Variants in NF1 observed in about 807,000 individuals in gnomAD.
The protein encoded by NF1 is neurofibromin 1.
A neutral mutation model predicts 325.7 loss-of-function variants in NF1; 122 were observed. That is an observed-to-expected ratio of 0.37 (90% CI 0.32 to 0.44). The LOEUF is 0.44. NF1 is among the 20% of genes least tolerant of loss of function. The pLI, the probability that NF1 is intolerant of heterozygous loss-of-function variation, is 1.00. For synonymous variants in NF1, 1,091 were observed against 1,186.0 expected, an observed-to-expected ratio of 0.92 and a Z score of 1.65; for missense variants, 2,140 against 3,415.4, an observed-to-expected ratio of 0.63 and a Z score of 9.31.
chr17:31,127,922 TA>T (rs1316380749), intron 1 of NF1, among the ~76,000 whole-genome samples: 20 of 152,230 alleles, frequency 1.3e-4, no homozygotes, highest in East Asian at 1.2e-3. Flanking sequence ...TTTTAATTAA[TA>T]TTTTTTTTGT....
chr17:31,331,615 A>G (rs375481830), intron 39 of NF1: 1 of 152,206 alleles, frequency 6.6e-6, no homozygotes, highest in South Asian at 2.1e-4. Flanking sequence ...AAGCATCACA[A>G]ACTGATGAGG....
chr17:31,265,447 A>C, intron 36 of NF1, 108 bp downstream of exon 36: 1 of 798,556 alleles, frequency 1.3e-6, no homozygotes, highest in Non-Finnish European at 2.1e-6. Flanking sequence ...GGAATTGAAG[A>C]CAAGTTTACT....
intron 35 of NF1, among the ~76,000 whole-genome samples, chr17:31,263,067 G>GTAGA (rs1350602193): frequency 7.2e-6 from 1 of 138,648 alleles, no homozygotes; most frequent in African/African-American, 2.9e-5. Context: ...AGGTAGGTAG[G>GTAGA]TAGATAGATA....
chr17:31,262,796 G>A (rs549965601), intron 35 of NF1, among the ~76,000 whole-genome samples: 27 of 152,120 alleles, frequency 1.8e-4, no homozygotes, highest in South Asian at 8.3e-4. Context: ...TTTTTTTAGT[G>A]TAACAAATGT....
chr17:31,272,312 A>G (rs1046944901), intron 36 of NF1: 12 of 152,368 alleles, frequency 7.9e-5, no homozygotes, highest in African/African-American at 2.6e-4. Context: ...TGGATTGAGT[A>G]TGGTGCTACC....
chr17:31,326,361 A>T, intron 37 of NF1, 109 bp downstream of exon 37: 1 of 1,115,328 alleles, frequency 9.0e-7, no homozygotes. Context: ...ATAAAATGTC[A>T]CGTAAGGCTG....
rs755890242 is a variant in NF1, at chr17:31,163,363, C to G, written c.466C>G (p.Arg156Gly). The G allele has an allele frequency of 6.2e-7, 1 of 1,613,962 alleles. No individual in the cohort carries two copies. Among genetic ancestry groups the G allele is most frequent in the Non-Finnish European group, 8.5e-7 (1 of 1,179,934 alleles). The change falls in exon 4 of 58, where the codon CGC becomes GGC. Residue 156 changes from arginine (R) to glycine (G), a missense_variant. Physicochemically the swap from Arg to Gly is moderately radical, Grantham distance 125 (BLOSUM62 -2). Coordinates refer to ENST00000358273, the MANE Select transcript of NF1 (RefSeq NM_001042492.3). ...CAACAACTTCAATGCAGTCTTTAGT[C>G]GCATTTCTACCAGGTTAGTGTGTAA... ...SCNNFNAVFS[R>G]ISTRLQELTV... is the part of the protein sequence containing the mutation.
intron 8 of NF1, among the ~76,000 whole-genome samples, chr17:31,198,969 G>C (rs187426941): frequency 1.3e-5 from 2 of 152,084 alleles, no homozygotes; most frequent in East Asian, 1.9e-4. Context: ...CTTTCTCTCT[G>C]TCTCTCTTTT....
chr17:31,310,468 C>T (rs762854751), intron 36 of NF1, among the ~76,000 whole-genome samples: 11 of 152,022 alleles, frequency 7.2e-5, no homozygotes, highest in East Asian at 5.8e-4. Context: ...AAAGAAGCAA[C>T]GGCAAAATGC....
chr17:31,228,928 A>T, intron 20 of NF1, 97 bp from the exon 21 acceptor site: 5 of 939,808 alleles, frequency 5.3e-6, no homozygotes, highest in East Asian at 2.5e-5. Context: ...CATTTTTTGT[A>T]CTTTTGTCAT....
At position 31,159,036 on chromosome 17, in the gene NF1, A is replaced by G. The variant is rs373563053; in HGVS notation, c.231A>G (p.Lys77=). 1.2e-6 allele frequency: 2 copies of G among 1,608,306 alleles called. No homozygotes were observed. Among genetic ancestry groups the G allele is most frequent in the South Asian group, 2.2e-5 (2 of 90,962 alleles). Reference sequence around the variant, plus strand: ...GAATATTTGGAGAAGCTGCTGAAAAAAATTTATATCTCTCTCAGTTGATTA... The same window carrying G: ...GAATATTTGGAGAAGCTGCTGAAAAGAATTTATATCTCTCTCAGTTGATTA... ...NMRIFGEAAE[K]NLYLSQLIIL... Residue 77 remains lysine (K), a synonymous_variant, in exon 3 of 58, where the codon AAA becomes AAG. Transcript: ENST00000358273.
chr17:31,258,960 A>T, intron 32 of NF1, 72 bp from the exon 33 acceptor site: 1 of 995,164 alleles, frequency 1.0e-6, no homozygotes, highest in Non-Finnish European at 1.5e-6. Context: ...TCATGTTTTT[A>T]AAGAATGTCT....
chr17:31,108,640 T>C (rs563900761), intron 1 of NF1, among the ~76,000 whole-genome samples: 3 of 152,338 alleles, frequency 2.0e-5, no homozygotes, highest in African/African-American at 7.2e-5. Flanking sequence ...TCTTATTTCA[T>C]CCGTATTCCT....
intron 1 of NF1, among the ~76,000 whole-genome samples, chr17:31,100,178 G>A (rs1055743840): frequency 6.6e-6 from 1 of 152,120 alleles, no homozygotes; most frequent in Admixed American, 6.5e-5. Context: ...GATTTTAGAG[G>A]TTGTAGTAGC....
chr17:31,338,438 T>C (rs1364683316), intron 45 of NF1, among the ~76,000 whole-genome samples: 1 of 152,198 alleles, frequency 6.6e-6, no homozygotes, highest in Non-Finnish European at 1.5e-5. Flanking sequence ...TTTCAAAGCA[T>C]TTAATTATAT....
At chr17:31,201,385 CT>C (rs1567835992) in intron 10 of NF1, 25 bp from the exon 11 acceptor site, 2 of 1,578,554 alleles carry the variant, frequency 1.3e-6, no homozygotes, top group East Asian at 2.2e-5. Context: ...TAGAAATAAT[CT>C]GCTTTTTTTT....
chr17:31,258,184 A>T (rs1451439420), intron 31 of NF1, among the ~76,000 whole-genome samples, 160 bp from the exon 32 acceptor site: 1 of 152,080 alleles, frequency 6.6e-6, no homozygotes, highest in Admixed American at 6.6e-5. Flanking sequence ...AGGAAACTTT[A>T]TTTTCTCATG....
chr17:31,288,495 T>G (rs1191208082), intron 36 of NF1, among the ~76,000 whole-genome samples: 2 of 151,780 alleles, frequency 1.3e-5, no homozygotes, highest in East Asian at 3.9e-4. Context: ...TAACTCCACA[T>G]TGCCCAGAAC....
At chr17:31,261,982 C>T (rs1472673909) in intron 35 of NF1, 125 bp downstream of exon 35, 6 of 883,092 alleles carry the variant, frequency 6.8e-6, no homozygotes, top group African/African-American at 5.1e-5. Context: ...ATCACATTGC[C>T]ATGTTTGGGG....
Sources: allele counts gnomAD v4.1 joint callset (sites outside exome capture counted in the v4.1 genomes callset), GRCh38; gene constraint gnomAD v4.1.1; transcripts MANE v1.5; gene names NCBI Gene and HGNC (gene_info 2026-07-23, HGNC 2026-07-21).